The following FAM20C variants were observed in gnomAD, a reference collection of about 807,000 sequenced individuals.
FAM20C encodes FAM20C golgi associated secretory pathway kinase, also known as extracellular serine/threonine protein kinase FAM20C.
A neutral mutation model predicts 51.5 loss-of-function variants in FAM20C; 40 were observed. The observed-to-expected ratio is 0.78, with a 90% confidence interval of 0.60 to 1.01. The LOEUF (loss-of-function observed/expected upper bound fraction) is 1.01, where lower values mean the gene tolerates loss of function less well. Ranked by LOEUF, FAM20C falls within the 50% of genes least tolerant of loss-of-function variation. FAM20C has a pLI of 0.00. For missense variants in FAM20C, 861 were observed against 844.7 expected (o/e 1.02, Z -0.24); for synonymous variants, 406 against 380.6 (o/e 1.07, Z -0.78).
At chr7:196,077 G>A (rs939733007) in intron 2 of FAM20C, among the ~76,000 whole-genome samples, 2 of 152,092 alleles carry the variant, frequency 1.3e-5, no homozygotes, top group South Asian at 2.1e-4. Context: ...CTCTGGCGGC[G>A]GTGACCCCTC....
chr7:242,510 G>A (rs934926283), intron 3 of FAM20C, among the ~76,000 whole-genome samples: 3 of 151,948 alleles, frequency 2.0e-5, no homozygotes, highest in Non-Finnish European at 4.4e-5. Flanking sequence ...AGCACTGTTC[G>A]GTGCACTGGG....
chr7:233,695 C>T (rs1051199744), intron 3 of FAM20C, among the ~76,000 whole-genome samples: 17 of 152,314 alleles, frequency 1.1e-4, no homozygotes, highest in African/African-American at 3.8e-4. Flanking sequence ...TGTGGTCTCT[C>T]CTTCCCCAGA....
At position 193,219 on chromosome 7, in the gene FAM20C, G is replaced by T; in HGVS notation, c.20G>T (p.Arg7Leu). MKMMLVRRFRVLILMVF... is the reference protein window; with the variant it reads MKMMLVLRFRVLILMVF... ...GCGGCCATGAAGATGATGCTGGTGC[G>T]CCGGTTCCGCGTGCTCATCCTGATG... Residue 7 changes from arginine (R) to leucine (L), a missense_variant, in exon 1 of 10, where the codon CGC becomes CTC. This residue lies in a region of FAM20C where 561 missense variants were observed against 499.8 expected (regional missense o/e 1.12). Coordinates refer to ENST00000313766, the MANE Select transcript of FAM20C (RefSeq NM_020223.4). 6.8e-7 allele frequency: 1 copy of T among 1,461,246 alleles called. No homozygotes were observed. Among genetic ancestry groups the T allele is most frequent in the Non-Finnish European group, 9.1e-7 (1 of 1,101,422 alleles). The allele number at this position is 1,461,246 out of a possible 1,614,324, so 90.5% of individuals were successfully genotyped here.
chr7:256,465 A>G (rs963572267), intron 6 of FAM20C, 189 bp from the exon 7 acceptor site: 19 of 606,296 alleles, frequency 3.1e-5, no homozygotes, highest in Non-Finnish European at 5.3e-5. Flanking sequence ...ACCCCGAGGC[A>G]GGGCAGAGCG....
Position 260,307 on chromosome 7 carries a change from C to T in FAM20C, c.*327C>T, listed in dbSNP as rs191201474. On this transcript the variant is annotated 3_prime_UTR_variant, in exon 10 of 10. Transcript: ENST00000313766. Reference sequence around the variant, plus strand: ...TGATGAATAAGTATATAAACAGAGACGTGTACACAGATGCCAATCACCTAC... The same window carrying T: ...TGATGAATAAGTATATAAACAGAGATGTGTACACAGATGCCAATCACCTAC... The T allele has an allele frequency of 1.2e-4, 27 of 218,604 alleles. No homozygotes were observed. The highest frequency in any genetic ancestry group is 5.0e-4 in the African/African-American group (22 of 44,102). The allele number at this position is 218,604 out of a possible 1,614,324, so 13.5% of individuals were successfully genotyped here.
intron 5 of FAM20C, among the ~76,000 whole-genome samples, chr7:248,815 G>A (rs372333021): frequency 2.9e-3 from 349 of 121,200 alleles, no homozygotes; most frequent in African/African-American, 5.1e-3. Context: ...ACAGGGGCCC[G>A]CATTCATCTC....
intron 2 of FAM20C, among the ~76,000 whole-genome samples, chr7:200,695 A>G (rs1786088127): frequency 6.6e-6 from 1 of 152,238 alleles, no homozygotes; most frequent in African/African-American, 2.4e-5. Context: ...CGTGGAATAA[A>G]TAACAGTCTG....
chr7:198,699 C>T (rs746456979), intron 2 of FAM20C, among the ~76,000 whole-genome samples: 27 of 152,182 alleles, frequency 1.8e-4, no homozygotes, highest in Non-Finnish European at 3.8e-4. Flanking sequence ...CTTAAATGTG[C>T]AAATACGAGT....
chr7:194,917 T>C (rs917789412), intron 1 of FAM20C, among the ~76,000 whole-genome samples: 7 of 152,170 alleles, frequency 4.6e-5, no homozygotes, highest in African/African-American at 1.7e-4. Flanking sequence ...TCCAGAACGG[T>C]CCCTTGACCC....
rs1339075942 is a variant in FAM20C at position 195,733 on chromosome 7, G to A, written c.784+1G>A. 1 of 1,601,470 alleles carries A rather than the reference G, an allele frequency of 6.2e-7. No individual in the cohort carries two copies. Among genetic ancestry groups the A allele is most frequent in the Admixed American group, 1.7e-5 (1 of 59,250 alleles). On this transcript the variant is annotated splice_donor_variant, in intron 2 of 9. Transcript: ENST00000313766. LOFTEE classifies it high-confidence loss of function. ...AGCTCCCAGAGGATCACCAGCGTGG[G>A]TAGGTGTCCTTGGGTGCACTCAGGG...
intron 3 of FAM20C, among the ~76,000 whole-genome samples, chr7:226,664 C>T (rs908427546): frequency 6.6e-6 from 1 of 152,192 alleles, no homozygotes; most frequent in African/African-American, 2.4e-5. Flanking sequence ...CCGAATCCGC[C>T]CGGGCTGGAG....
At chr7:247,651 C>G (rs1242468590) in intron 4 of FAM20C, among the ~76,000 whole-genome samples, 1 of 152,206 alleles carries the variant, frequency 6.6e-6, no homozygotes, top group Admixed American at 6.5e-5. Flanking sequence ...TCTAGAACAG[C>G]CTGAACCCAA....
In FAM20C at chr7:259,723, C is replaced by T; in HGVS notation, c.1506-8C>T. The T allele has an allele frequency of 6.5e-7, 1 of 1,530,248 alleles. No individual in the cohort carries two copies. The highest frequency in any genetic ancestry group is 8.8e-7 in the Non-Finnish European group (1 of 1,142,144). The allele number at this position is 1,530,248 out of a possible 1,614,324, so 94.8% of individuals were successfully genotyped here. ...CCGTGCCAGGCCTGATGCCCCTCTC[C>T]TCCCCAGGATCCGGAAGTCCACCTA... is the stretch of plus-strand genomic sequence containing the variant. On this transcript the variant is annotated splice_region_variant and splice_polypyrimidine_tract_variant and intron_variant, in intron 9 of 9. Transcript: ENST00000313766.
At chr7:242,553 C>T (rs1787976014) in intron 3 of FAM20C, among the ~76,000 whole-genome samples, 4 of 152,020 alleles carry the variant, frequency 2.6e-5, no homozygotes, top group African/African-American at 9.7e-5. Context: ...AGGGGGTGGA[C>T]TCGGCCCCCT....
intron 2 of FAM20C, among the ~76,000 whole-genome samples, chr7:201,265 C>T (rs776426473): frequency 2.8e-4 from 43 of 152,206 alleles, no homozygotes; most frequent in Non-Finnish European, 5.1e-4. Flanking sequence ...GCCCTCTTGA[C>T]GGACGAGATG....
At chr7:256,971 C>T in intron 7 of FAM20C, 34 bp from the exon 8 acceptor site, 1 of 1,535,658 alleles carries the variant, frequency 6.5e-7, no homozygotes. Flanking sequence ...CCCGGCTCCC[C>T]ACGAGCTGTG....
At chr7:248,276 G>C (rs576724109) in intron 4 of FAM20C, 39 bp from the exon 5 acceptor site, 2 of 1,449,906 alleles carry the variant, frequency 1.4e-6, no homozygotes, top group Non-Finnish European at 1.9e-6. Flanking sequence ...CCGCTGAGCC[G>C]CACAGAGCAC....
At position 218,786 on chromosome 7, in the gene FAM20C, G is replaced by A. The variant is rs185884412; in HGVS notation, c.863+9810G>A. Among the ~76,000 whole-genome samples the A allele has an allele frequency of 4.5e-3, 689 of 151,838 alleles. 5 individuals carry two copies. Among genetic ancestry groups the A allele is most frequent in the African/African-American group, 0.015 (640 of 41,368 alleles). ...CAGGACGCACAGATCACTCCCGTCC[G>A]GCCGGGAGCTGACACGGGCCCAGGA... On this transcript the variant is annotated intron_variant, in intron 3 of 9. Transcript: ENST00000313766.
chr7:207,444 C>T (rs1355008897), intron 2 of FAM20C, among the ~76,000 whole-genome samples: 1 of 152,244 alleles, frequency 6.6e-6, no homozygotes, highest in Non-Finnish European at 1.5e-5. Flanking sequence ...TCTGCTGGGT[C>T]ATGCCGTCCT....
Sources: gnomAD v4.1 joint callset for allele counts (sites outside exome capture counted in the v4.1 genomes callset) on GRCh38, gnomAD v4.1.1 for gene constraint, gnomAD v4.1.1 regional missense constraint, MANE v1.5 for transcripts, NCBI Gene and HGNC (gene_info 2026-07-23, HGNC 2026-07-21) for gene names.